The following VPS13A variants were observed in gnomAD, a reference collection of about 807,000 sequenced individuals.
VPS13A encodes the protein vacuolar protein sorting 13 homolog A.
In VPS13A, 264 loss-of-function variants were observed where a neutral mutation model predicts 390.9. That is an observed-to-expected ratio of 0.68 (90% confidence interval 0.61 to 0.75). VPS13A has a LOEUF of 0.75. VPS13A is among the 30% of genes least tolerant of loss of function. The pLI is 0.00. For synonymous variants in VPS13A, 1,231 were observed against 1,227.1 expected, an observed-to-expected ratio of 1.00 and a Z score of -0.07; for missense variants, 3,409 against 3,733.9, an observed-to-expected ratio of 0.91 and a Z score of 2.27.
At chr9:77,333,626 C>T (rs1454394967) in intron 46 of VPS13A, among the ~76,000 whole-genome samples, 1 of 151,776 alleles carries the variant, frequency 6.6e-6, no homozygotes, top group Non-Finnish European at 1.5e-5. Context: ...TTTGGTCAGG[C>T]TGGTCTCGAA....
chr9:77,213,147 C>A, intron 8 of VPS13A, 87 bp from the exon 9 acceptor site: 2 of 1,523,602 alleles, frequency 1.3e-6, no homozygotes, highest in Admixed American at 1.7e-5. Context: ...TGTGATATGG[C>A]TCACTTAATT....
chr9:77,410,542 G>T (rs1267494023), intron 71 of VPS13A, among the ~76,000 whole-genome samples: 2 of 152,152 alleles, frequency 1.3e-5, no homozygotes, highest in Non-Finnish European at 2.9e-5. Flanking sequence ...CTGTATTCAG[G>T]AAACCCACCT....
intron 19 of VPS13A, among the ~76,000 whole-genome samples, chr9:77,243,148 A>G (rs958682159): frequency 6.6e-6 from 1 of 151,790 alleles, no homozygotes; most frequent in African/African-American, 2.4e-5. Flanking sequence ...ATTTTGTTAC[A>G]TTCTCCTCTA....
At chr9:77,301,481 G>A (rs1471764170) in intron 33 of VPS13A, among the ~76,000 whole-genome samples, 4 of 152,250 alleles carry the variant, frequency 2.6e-5, no homozygotes, top group African/African-American at 9.6e-5. Flanking sequence ...TTCATTAAAT[G>A]GCTTGGTACA....
intron 71 of VPS13A, among the ~76,000 whole-genome samples, chr9:77,412,100 T>C (rs1177574745): frequency 1.3e-5 from 2 of 152,074 alleles, no homozygotes; most frequent in African/African-American, 4.8e-5. Flanking sequence ...AGGCAATAAT[T>C]AATAGCTTAC....
chr9:77,406,128 TACCCAG>T, intron 70 of VPS13A, 141 bp downstream of exon 70: 4 of 1,059,734 alleles, frequency 3.8e-6, no homozygotes, highest in Non-Finnish European at 5.4e-6. Context: ...CCTGCTATCT[TACCCAG>T]GCTTAAAGGA....
At chr9:77,333,425 CATT>C (rs1167277626) in intron 46 of VPS13A, among the ~76,000 whole-genome samples, 1 of 113,026 alleles carries the variant, frequency 8.8e-6, no homozygotes, top group Middle Eastern at 4.8e-3. Flanking sequence ...TCTCATTAGG[CATT>C]TTTTTTTTTT....
At chr9:77,306,910 AT>A (rs199833366) in intron 34 of VPS13A, among the ~76,000 whole-genome samples, 265 of 129,828 alleles carry the variant, frequency 2.0e-3, no homozygotes, top group Admixed American at 1.8e-3. Flanking sequence ...TTGGCTCTTT[AT>A]TTTTTTTTTT....
intron 44 of VPS13A, among the ~76,000 whole-genome samples, chr9:77,322,476 CAT>C (rs1829804090): frequency 1.3e-5 from 2 of 151,822 alleles, no homozygotes; most frequent in African/African-American, 2.4e-5. Context: ...TAGAAAATAA[CAT>C]GTAACAGGTG....
chr9:77,302,975 T>C lies in VPS13A; in HGVS notation c.3873T>C (p.Leu1291=). The change falls in exon 34 of 72, where the codon CTT becomes CTC. Residue 1291 remains leucine, a synonymous_variant. Transcript: ENST00000360280. ...EVLDLLLPLN[L]EVVVERNLCW... is the part of the protein sequence containing the mutation. ...TGGATCTACTCCTGCCATTAAATCTTGAGGTTGTGGTTGAACGAAATTTAT... is the reference window on the plus strand; with the variant it reads ...TGGATCTACTCCTGCCATTAAATCTCGAGGTTGTGGTTGAACGAAATTTAT... 6.2e-7 allele frequency: 1 copy of C among 1,614,014 alleles called. No homozygotes were observed. The highest frequency in any genetic ancestry group is 8.5e-7 in the Non-Finnish European group (1 of 1,179,922).
rs1404208596 is a variant in VPS13A, at chr9:77,382,036, A to T, written c.9138A>T (p.Gly3046=). ...LRPPRFFNED[G]VIRPYRLRDG... is the part of the protein sequence containing the mutation. ...CTCCTCGGTTCTTCAATGAAGATGG[A>T]GTTATCAGACCGTACAGGTTGAGGG... The change falls in exon 68 of 72, where the codon GGA becomes GGT. Residue 3046 remains glycine, a synonymous_variant. Coordinates refer to ENST00000360280, the MANE Select transcript of VPS13A (RefSeq NM_033305.3). 1.2e-6 allele frequency: 2 copies of T among 1,608,938 alleles called. No individual in the cohort carries two copies. Among genetic ancestry groups the T allele is most frequent in the South Asian group, 1.1e-5 (1 of 89,884 alleles).
chr9:77,258,965 A>T (rs1313841235), intron 22 of VPS13A, among the ~76,000 whole-genome samples: 1 of 152,196 alleles, frequency 6.6e-6, no homozygotes, highest in East Asian at 1.9e-4. Context: ...GTATATGCTT[A>T]GGAAGAATTT....
intron 3 of VPS13A, among the ~76,000 whole-genome samples, chr9:77,203,925 G>A (rs575612691): frequency 2.0e-5 from 3 of 152,224 alleles, no homozygotes; most frequent in South Asian, 2.1e-4. Context: ...CAGGGTAGCT[G>A]ATACCTGTAA....
At chr9:77,406,484 C>T (rs141875982) in intron 70 of VPS13A, among the ~76,000 whole-genome samples, 1 of 152,032 alleles carries the variant, frequency 6.6e-6, no homozygotes, top group East Asian at 1.9e-4. Flanking sequence ...CAGTGGCGCT[C>T]TTGGATCACT....
chr9:77,191,295 CTT>C (rs200313087), intron 1 of VPS13A, among the ~76,000 whole-genome samples: 36 of 134,478 alleles, frequency 2.7e-4, no homozygotes, highest in Admixed American at 3.8e-4. Flanking sequence ...TTTTCTTCTT[CTT>C]TTTTTTTTTT....
chr9:77,326,555 A>G (rs559495873), intron 45 of VPS13A, among the ~76,000 whole-genome samples: 2 of 151,900 alleles, frequency 1.3e-5, no homozygotes, highest in African/African-American at 2.4e-5. Context: ...ATTTTTCTCA[A>G]TAGTAGTCTG....
At chr9:77,327,004 C>T (rs1830049153) in intron 45 of VPS13A, among the ~76,000 whole-genome samples, 1 of 152,178 alleles carries the variant, frequency 6.6e-6, no homozygotes, top group Non-Finnish European at 1.5e-5. Context: ...GTCACGTTGG[C>T]TTCCCCAGAT....
rs1327424319 is a variant in VPS13A at position 77,370,701 on chromosome 9, A to G, written c.8907+123A>G. On this transcript the variant is annotated intron_variant, in intron 65 of 71. Coordinates refer to ENST00000360280, the MANE Select transcript of VPS13A (RefSeq NM_033305.3). ...ATTATTATTTGGATATTTTAAGAGC[A>G]GTGGGTGGTAGCATATAAAACATGT... The G allele has an allele frequency of 5.5e-6, 8 of 1,443,498 alleles. No homozygotes were observed. The East Asian group carries it at 1.9e-4, about 35-fold the overall frequency. 89.4% of individuals were successfully genotyped at this position (1,443,498 alleles called of 1,614,324 possible). A position where few individuals can be genotyped will look rare whatever the true frequency, so the allele number is the denominator to read the frequency against.
chr9:77,360,264 G>A (rs963855087), intron 58 of VPS13A, among the ~76,000 whole-genome samples: 18 of 151,928 alleles, frequency 1.2e-4, no homozygotes, highest in African/African-American at 4.4e-4. Flanking sequence ...GTTGTATGTA[G>A]CCATAGTTTA....
Sources: allele counts gnomAD v4.1 joint callset (sites outside exome capture counted in the v4.1 genomes callset), GRCh38; gene constraint gnomAD v4.1.1; transcripts MANE v1.5; gene names NCBI Gene and HGNC (gene_info 2026-07-23, HGNC 2026-07-21).